The following DAB1 variants were observed in gnomAD, a reference collection of about 807,000 sequenced individuals.
The protein encoded by DAB1 is disabled homolog 1.
DAB1 carries 15 observed loss-of-function variants against 64.6 expected under a neutral mutation model. The observed-to-expected ratio is 0.23, with a 90% CI of 0.16 to 0.36. DAB1 has a LOEUF of 0.36. DAB1 is among the 10% of genes least tolerant of loss of function. The probability of loss-of-function intolerance (pLI) is 1.00; values close to 1 mark genes in which losing one functional copy is unlikely to be tolerated. For missense variants in DAB1, 596 were observed against 706.7 expected (o/e 0.84, Z 1.78); for synonymous variants, 235 against 251.9 (o/e 0.93, Z 0.64).
chr1:57,217,222 T>C (rs982725465), intron 2 of DAB1, among the ~76,000 whole-genome samples: 19 of 152,230 alleles, frequency 1.2e-4, no homozygotes, highest in South Asian at 2.1e-4. Flanking sequence ...AGTGCTTAAA[T>C]GGCTTAGTAT....
rs916898371 is a variant in DAB1, at chr1:58,374,145, T to C, written n.258-30742A>G. On this transcript the variant is annotated intron_variant and non_coding_transcript_variant, in intron 3 of 20. Transcript: ENST00000485760. Reference sequence around the variant, plus strand: ...GTTGTAGGTTGCCTGTTCACTCTGATGGTAGTTTCTTTTGCTGTGCAGAAG... The same window carrying C: ...GTTGTAGGTTGCCTGTTCACTCTGACGGTAGTTTCTTTTGCTGTGCAGAAG... Among the ~76,000 whole-genome samples the C allele has an allele frequency of 1.0e-3, 109 of 107,878 alleles. 4 individuals are homozygous for C. In the East Asian group the frequency reaches 0.024, roughly 24 times the overall value. The allele number at this position is 107,878 out of a possible 152,430, so 70.8% of individuals were successfully genotyped here.
At chr1:57,907,279 G>A (rs538337663) in intron 5 of DAB1, among the ~76,000 whole-genome samples, 2 of 152,298 alleles carry the variant, frequency 1.3e-5, no homozygotes, top group Admixed American at 1.3e-4. Context: ...ACACAGCATA[G>A]GTATCTGGTG....
chr1:58,449,661 T>C (rs995483170), intron 3 of DAB1, among the ~76,000 whole-genome samples: 2 of 152,192 alleles, frequency 1.3e-5, no homozygotes, highest in Admixed American at 6.5e-5. Flanking sequence ...CCTAATCCAG[T>C]GCCTCAGTGC....
intron 1 of DAB1, among the ~76,000 whole-genome samples, chr1:57,319,338 G>C (rs1558157561): frequency 6.6e-6 from 1 of 152,104 alleles, no homozygotes; most frequent in Non-Finnish European, 1.5e-5. Context: ...TTGGGTCAGA[G>C]TCAGCAGCTG....
At chr1:57,790,108 C>T (rs1200939439) in intron 6 of DAB1, among the ~76,000 whole-genome samples, 6 of 152,138 alleles carry the variant, frequency 3.9e-5, no homozygotes, top group Admixed American at 1.3e-4. Flanking sequence ...GTGGTAGTTG[C>T]CCCTCCTGCT....
chr1:57,024,299 G>C lies in DAB1; in HGVS notation c.787-660C>G, dbSNP rs185217802. Among the ~76,000 whole-genome samples, 17 of 152,196 alleles carry C rather than the reference G, an allele frequency of 1.1e-4. 1 individual carries two copies. The highest frequency in any genetic ancestry group is 3.6e-4 in the African/African-American group (15 of 41,506). On this transcript the variant is annotated intron_variant, in intron 10 of 14. Transcript: ENST00000371236. Reference sequence around the variant, plus strand: ...ACTGAAAATTCTACAGGGCCTAGTCGGTGCTGGAATTCCAAAAAGGTCTGC... The same window carrying C: ...ACTGAAAATTCTACAGGGCCTAGTCCGTGCTGGAATTCCAAAAAGGTCTGC...
chr1:57,282,182 C>CAAAAAAAAAAAAAAAAAAA (rs61512431), intron 2 of DAB1, among the ~76,000 whole-genome samples: 1 of 92,768 alleles, frequency 1.1e-5, no homozygotes, highest in Non-Finnish European at 2.2e-5. Flanking sequence ...GCCTTCTTCT[C>CAAAAAAAAAAAAAAAAAAA]AAAAAAAAAA....
At chr1:57,971,207 A>G (rs1277031787) in intron 5 of DAB1, among the ~76,000 whole-genome samples, 3 of 152,198 alleles carry the variant, frequency 2.0e-5, no homozygotes, top group Non-Finnish European at 4.4e-5. Flanking sequence ...TCTGCCTTCA[A>G]CAATTGCTGA....
chr1:57,094,536 G>A (rs1490367843), intron 4 of DAB1, among the ~76,000 whole-genome samples: 4 of 152,160 alleles, frequency 2.6e-5, no homozygotes, highest in Admixed American at 2.6e-4. Context: ...GGGGGGATTT[G>A]GGGATGCAGT....
intron 1 of DAB1, among the ~76,000 whole-genome samples, chr1:57,866,061 G>T (rs1216027761): frequency 6.6e-6 from 1 of 152,158 alleles, no homozygotes; most frequent in Non-Finnish European, 1.5e-5. Context: ...ATTCATGAGA[G>T]CAGAGGATTT....
intron 6 of DAB1, among the ~76,000 whole-genome samples, chr1:57,735,609 GTTTTTT>G (rs59456674): frequency 3.2e-5 from 3 of 95,198 alleles, no homozygotes; most frequent in Admixed American, 2.3e-4. Context: ...CTGTTTGCTT[GTTTTTT>G]TTTTTTTTTT....
chr1:57,663,498 T>C (rs4244010), intron 6 of DAB1, among the ~76,000 whole-genome samples: 96,595 of 152,092 alleles, frequency 0.64, 31,483 homozygotes, highest in African/African-American at 0.69. Context: ...TATCGAGCAT[T>C]GGTAACCTGA....
intron 7 of DAB1, among the ~76,000 whole-genome samples, chr1:57,507,012 A>G (rs559061371): frequency 6.6e-6 from 1 of 152,126 alleles, no homozygotes; most frequent in East Asian, 1.9e-4. Flanking sequence ...AGTCCCTCTC[A>G]TCTACAATCT....
chr1:57,373,662 A>C (rs180818835), intron 1 of DAB1, among the ~76,000 whole-genome samples: 3 of 152,268 alleles, frequency 2.0e-5, no homozygotes, highest in Non-Finnish European at 4.4e-5. Flanking sequence ...TGTATCTGAA[A>C]ATTACTTCCT....
intron 2 of DAB1, chr1:58,506,277 T>C (rs745409275): frequency 4.8e-5 from 35 of 732,028 alleles, no homozygotes; most frequent in Admixed American, 2.7e-4. Flanking sequence ...ACTACTACTT[T>C]ATTTTTTTTT....
chr1:57,827,161 G>A (rs910753992), intron 1 of DAB1, among the ~76,000 whole-genome samples: 3 of 152,124 alleles, frequency 2.0e-5, no homozygotes, highest in Admixed American at 1.3e-4. Context: ...TCCAGTTTTT[G>A]ATTCCCTTTT....
intron 6 of DAB1, among the ~76,000 whole-genome samples, chr1:57,767,998 A>G (rs1649391364): frequency 6.6e-6 from 1 of 151,620 alleles, no homozygotes; most frequent in Non-Finnish European, 1.5e-5. Flanking sequence ...CCAACACAGC[A>G]AAACCCCGTC....
intron 4 of DAB1, among the ~76,000 whole-genome samples, chr1:58,320,756 T>A (rs181332694): frequency 4.6e-5 from 7 of 152,228 alleles, no homozygotes; most frequent in Non-Finnish European, 1.0e-4. Flanking sequence ...TTTACTCTTA[T>A]GTCCATCTTT....
intron 4 of DAB1, among the ~76,000 whole-genome samples, chr1:58,246,053 AG>A (rs36027635): frequency 6.6e-6 from 1 of 152,186 alleles, no homozygotes; most frequent in African/African-American, 2.4e-5. Flanking sequence ...GGGTGGGGGA[AG>A]GGGTTGTCAC....
Sources: gnomAD v4.1 joint callset for allele counts (sites outside exome capture counted in the v4.1 genomes callset) on GRCh38, gnomAD v4.1.1 for gene constraint, MANE v1.5 for transcripts, NCBI Gene and HGNC (gene_info 2026-07-23, HGNC 2026-07-21) for gene names.